The following RLIG1 variants were observed in gnomAD, a reference collection of about 807,000 sequenced individuals.
The protein encoded by RLIG1 is RNA 5'-phosphate and 3'-OH ligase 1.
the RLIG1 span, chr12:88,042,488 G>A: frequency 6.0e-6 from 1 of 166,072 alleles, no homozygotes; most frequent in East Asian, 1.7e-4. Flanking sequence ...GGGGGAAGGG[G>A]TGGGGTAAAT....
At chr12:88,049,532 C>A in the RLIG1 span, 1 of 630,938 alleles carries the variant, frequency 1.6e-6, no homozygotes, top group Non-Finnish European at 2.8e-6. Flanking sequence ...TCAAATACAG[C>A]AATAAAGGCA....
chr12:88,044,245 C>G, the RLIG1 span: 2 of 154,594 alleles, frequency 1.3e-5, no homozygotes, highest in African/African-American at 2.4e-5. Context: ...GCACTCTAGC[C>G]TGAGAGTTGG....
the RLIG1 span, chr12:88,049,192 T>C: frequency 6.3e-7 from 1 of 1,583,454 alleles, no homozygotes; most frequent in Non-Finnish European, 8.6e-7. Context: ...CTTTAGTAAA[T>C]GGGGAAATTA....
chr12:88,046,528 G>A, the RLIG1 span, among the ~76,000 whole-genome samples: 6 of 138,738 alleles, frequency 4.3e-5, no homozygotes, highest in South Asian at 1.0e-3. Flanking sequence ...GAGTGGGTGC[G>A]GCTGTGTTCA....
chr12:88,047,011 A>G, the RLIG1 span: 295 of 1,553,098 alleles, frequency 1.9e-4, no homozygotes, highest in African/African-American at 3.7e-3. Context: ...GGGTTATGTC[A>G]TCTTATATTC....
chr12:88,041,657 C>T, the RLIG1 span: 7 of 152,056 alleles, frequency 4.6e-5, no homozygotes, highest in African/African-American at 1.7e-4. Context: ...AAATAAATTG[C>T]ATTTTTTATG....
At chr12:88,038,628 T>C in the RLIG1 span, among the ~76,000 whole-genome samples, 40 of 152,338 alleles carry the variant, frequency 2.6e-4, no homozygotes, top group African/African-American at 7.5e-4. Flanking sequence ...TAAATCACTA[T>C]TAATGGTAGG....
At chr12:88,040,549 C>A in the RLIG1 span, among the ~76,000 whole-genome samples, 1 of 152,124 alleles carries the variant, frequency 6.6e-6, no homozygotes, top group African/African-American at 2.4e-5. Context: ...CTCTCCATTT[C>A]ACAGACAATA....
the RLIG1 span, chr12:88,046,751 C>T: frequency 6.8e-7 from 1 of 1,473,580 alleles, no homozygotes; most frequent in Non-Finnish European, 9.2e-7. Context: ...GGTACGTTTT[C>T]TAGTTCTGAA....
At chr12:88,047,638 T>C in the RLIG1 span, among the ~76,000 whole-genome samples, 4 of 152,136 alleles carry the variant, frequency 2.6e-5, no homozygotes, top group Non-Finnish European at 5.9e-5. Flanking sequence ...CCTCCAAAAA[T>C]AGTATCTTTC....
chr12:88,036,150 C>T, the RLIG1 span: 2 of 1,194,412 alleles, frequency 1.7e-6, no homozygotes, highest in African/African-American at 3.1e-5. Context: ...ACTTGCTTTA[C>T]CTGTTCTGTC....
chr12:88,035,905 C>T, the RLIG1 span: 48 of 1,506,998 alleles, frequency 3.2e-5, no homozygotes, highest in Non-Finnish European at 4.1e-5. Context: ...TCCGTACGCC[C>T]TGAGCTCCAG....
the RLIG1 span, chr12:88,041,714 AAT>A: frequency 6.6e-6 from 1 of 152,218 alleles, no homozygotes; most frequent in African/African-American, 2.4e-5. Context: ...CAGAAACGAT[AAT>A]ACAGTTTTAA....
the RLIG1 span, chr12:88,035,753 C>T: frequency 6.3e-7 from 1 of 1,581,614 alleles, no homozygotes; most frequent in Non-Finnish European, 8.6e-7. Context: ...GGAGGAGCGC[C>T]GGGCAGGCTT....
chr12:88,038,556 G>A, the RLIG1 span, among the ~76,000 whole-genome samples: 8 of 152,168 alleles, frequency 5.3e-5, no homozygotes, highest in Non-Finnish European at 1.0e-4. Flanking sequence ...CATTTTTTAA[G>A]TAAATAAACC....
At chr12:88,045,810 T>C in the RLIG1 span, 1 of 1,534,462 alleles carries the variant, frequency 6.5e-7, no homozygotes, top group South Asian at 1.1e-5. Flanking sequence ...GTTCAGTTAT[T>C]GTAACTGACA....
the RLIG1 span, among the ~76,000 whole-genome samples, chr12:88,046,537 C>T: frequency 4.3e-5 from 4 of 92,834 alleles, no homozygotes; most frequent in African/African-American, 1.3e-4. Context: ...CGGCTGTGTT[C>T]ATGGAAAACT....
At chr12:88,041,543 A>G in the RLIG1 span, among the ~76,000 whole-genome samples, 1 of 152,188 alleles carries the variant, frequency 6.6e-6, no homozygotes, top group African/African-American at 2.4e-5. Context: ...CCAACAGTGC[A>G]CAAAGGTTCC....
chr12:88,042,893 T>G, the RLIG1 span: 1 of 1,574,644 alleles, frequency 6.4e-7, no homozygotes, highest in Non-Finnish European at 8.6e-7. Flanking sequence ...ATTTAAAAAT[T>G]TTCTACATTC....
Sources: gnomAD v4.1 joint callset for allele counts (sites outside exome capture counted in the v4.1 genomes callset) on GRCh38, gnomAD v4.1.1 for gene constraint, MANE v1.5 for transcripts, NCBI Gene and HGNC (gene_info 2026-07-23, HGNC 2026-07-21) for gene names.